FGF12: variants seen among roughly 807,000 people sequenced by gnomAD.
FGF12 encodes fibroblast growth factor 12.
A neutral mutation model predicts 23.6 loss-of-function variants in FGF12; 14 were observed. The observed-to-expected ratio is 0.59, with a 90% CI of 0.39 to 0.93. FGF12 has a LOEUF of 0.93. Among genes scored for constraint, FGF12 ranks in the 40% least tolerant of loss-of-function variants. FGF12 has a pLI of 0.00. For missense variants in FGF12, 175 were observed against 217.8 expected (o/e 0.80, Z 1.24); for synonymous variants, 62 against 77.3 (o/e 0.80, Z 1.04).
chr3:192,720,813 A>G (rs1159096449), intron 2 of FGF12, among the ~76,000 whole-genome samples: 6 of 152,196 alleles, frequency 3.9e-5, no homozygotes, highest in African/African-American at 1.4e-4. Context: ...CGATGGATTC[A>G]TAATTGAGGA....
chr3:192,657,993 T>A (rs540363861), intron 2 of FGF12, among the ~76,000 whole-genome samples: 1 of 152,098 alleles, frequency 6.6e-6, no homozygotes, highest in East Asian at 1.9e-4. Flanking sequence ...TTTTTTTCAC[T>A]CTATCATTGC....
chr3:192,292,835 G>A (rs1339733650), intron 4 of FGF12, among the ~76,000 whole-genome samples: 3 of 152,144 alleles, frequency 2.0e-5, no homozygotes, highest in Non-Finnish European at 4.4e-5. Flanking sequence ...GAAGTGCAGT[G>A]GTATGATCAT....
intron 4 of FGF12, among the ~76,000 whole-genome samples, chr3:192,314,478 A>G (rs1430615107): frequency 6.6e-6 from 1 of 152,142 alleles, no homozygotes; most frequent in African/African-American, 2.4e-5. Flanking sequence ...TACTGCCTAG[A>G]AAGCTCCCAT....
chr3:192,404,806 T>A (rs1560101506), intron 2 of FGF12, among the ~76,000 whole-genome samples: 1 of 152,214 alleles, frequency 6.6e-6, no homozygotes, highest in Non-Finnish European at 1.5e-5. Context: ...CTATAGGTCT[T>A]CAATAATGCT....
intron 2 of FGF12, among the ~76,000 whole-genome samples, chr3:192,571,948 T>G (rs1010733304): frequency 1.3e-5 from 2 of 152,042 alleles, no homozygotes; most frequent in South Asian, 2.1e-4. Flanking sequence ...TGCTGTTTTT[T>G]TTTTTTTTTT....
At chr3:192,267,411 T>C (rs1713149853) in intron 4 of FGF12, among the ~76,000 whole-genome samples, 1 of 152,216 alleles carries the variant, frequency 6.6e-6, no homozygotes, top group Admixed American at 6.5e-5. Context: ...GGTATTTAAA[T>C]ACATGTTAGT....
chr3:192,273,604 T>C (rs1305469644), intron 4 of FGF12, among the ~76,000 whole-genome samples: 1 of 152,132 alleles, frequency 6.6e-6, no homozygotes, highest in Non-Finnish European at 1.5e-5. Context: ...CTGCAAACCA[T>C]TCTCAAGGTG....
intron 2 of FGF12, among the ~76,000 whole-genome samples, chr3:192,716,222 G>A (rs1718860865): frequency 6.6e-6 from 1 of 152,180 alleles, no homozygotes; most frequent in Non-Finnish European, 1.5e-5. Flanking sequence ...CCAGTGATCT[G>A]TGTTTTTGTA....
chr3:192,619,840 T>A (rs1176402234), intron 2 of FGF12, among the ~76,000 whole-genome samples: 1 of 152,184 alleles, frequency 6.6e-6, no homozygotes, highest in Non-Finnish European at 1.5e-5. Flanking sequence ...AACCATCTCC[T>A]GCTGGGCGAA....
chr3:192,174,021 CT>C (rs1715721721), intron 4 of FGF12, among the ~76,000 whole-genome samples: 1 of 152,192 alleles, frequency 6.6e-6, no homozygotes, highest in African/African-American at 2.4e-5. Context: ...CTCCTCGCTG[CT>C]GGTTCAGTAC....
intron 2 of FGF12, among the ~76,000 whole-genome samples, chr3:192,715,716 T>C (rs1397531684): frequency 6.6e-6 from 1 of 152,236 alleles, no homozygotes; most frequent in African/African-American, 2.4e-5. Context: ...TTTTCACATG[T>C]ATTGCCAGCT....
At position 192,245,885 on chromosome 3, in the gene FGF12, C is replaced by T. The variant is rs115631141; in HGVS notation, c.229-75229G>A. Among the ~76,000 whole-genome samples, 1,073 of 152,074 alleles carry T rather than the reference C, an allele frequency of 7.1e-3. 7 individuals carry two copies. Among genetic ancestry groups the T allele is most frequent in the African/African-American group, 0.025 (1,038 of 41,480 alleles). On this transcript the variant is annotated intron_variant, in intron 4 of 5. Transcript: ENST00000445105. ...ACAACAGAGTCCTTGCTTTTTCGGA[C>T]CCTAATGCTAAAAGACTGAATAAAT...
intron 2 of FGF12, among the ~76,000 whole-genome samples, chr3:192,368,706 A>G (rs1372637480): frequency 6.6e-6 from 1 of 152,114 alleles, no homozygotes; most frequent in Non-Finnish European, 1.5e-5. Flanking sequence ...TCTGAACAGT[A>G]TTAGAGCATG....
chr3:192,399,848 GGCCT>G (rs1422742208), intron 2 of FGF12, among the ~76,000 whole-genome samples: 1 of 152,132 alleles, frequency 6.6e-6, no homozygotes, highest in Non-Finnish European at 1.5e-5. Context: ...TTTGGTCTTA[GGCCT>G]TAGGGCCCTC....
At chr3:192,529,477 G>C (rs1394718171) in intron 2 of FGF12, among the ~76,000 whole-genome samples, 1 of 152,164 alleles carries the variant, frequency 6.6e-6, no homozygotes, top group African/African-American at 2.4e-5. Flanking sequence ...CTTCTTCTGA[G>C]CCCTCCAAAC....
chr3:192,673,872 T>A (rs1480880687), intron 2 of FGF12, among the ~76,000 whole-genome samples: 1 of 151,206 alleles, frequency 6.6e-6, no homozygotes, highest in Non-Finnish European at 1.5e-5. Flanking sequence ...ATCTTTATAA[T>A]AGAATGATCT....
chr3:192,434,156 T>C (rs552796138), intron 2 of FGF12, among the ~76,000 whole-genome samples: 25 of 151,734 alleles, frequency 1.6e-4, no homozygotes, highest in Non-Finnish European at 3.2e-4. Context: ...CTTTTGCAAA[T>C]AAAAAAACCC....
chr3:192,219,473 A>G (rs1041701959), intron 4 of FGF12, among the ~76,000 whole-genome samples: 1 of 151,626 alleles, frequency 6.6e-6, no homozygotes, highest in African/African-American at 2.4e-5. Flanking sequence ...AACACGAAAA[A>G]CCCCCAGAAA....
chr3:192,643,785 TA>T (rs1421860656), intron 2 of FGF12, among the ~76,000 whole-genome samples: 1 of 152,186 alleles, frequency 6.6e-6, no homozygotes, highest in African/African-American at 2.4e-5. Flanking sequence ...GACTATCAAA[TA>T]AGGGAAACTT....
Sources: allele counts gnomAD v4.1 joint callset (sites outside exome capture counted in the v4.1 genomes callset), GRCh38; gene constraint gnomAD v4.1.1; transcripts MANE v1.5; gene names NCBI Gene and HGNC (gene_info 2026-07-23, HGNC 2026-07-21).